Variants in UBP1 observed in about 807,000 individuals in gnomAD.
The protein encoded by UBP1 is upstream binding protein 1, also known as upstream-binding protein 1.
In UBP1, 22 loss-of-function variants were observed where a neutral mutation model predicts 76.1. The observed-to-expected ratio is 0.29, with a 90% CI of 0.21 to 0.41. The LOEUF is 0.41. Ranked by LOEUF, UBP1 falls within the 10% of genes least tolerant of loss-of-function variation. The pLI is 1.00. For missense variants in UBP1, 436 were observed against 668.1 expected (o/e 0.65, Z 3.83); for synonymous variants, 224 against 237.1 (o/e 0.94, Z 0.51).
At chr3:33,407,622 A>G (rs2044462499) in intron 8 of UBP1, among the ~76,000 whole-genome samples, 2 of 152,086 alleles carry the variant, frequency 1.3e-5, no homozygotes, top group African/African-American at 2.4e-5. Context: ...GTACAATTTC[A>G]GTTTCATTGC....
Position 33,388,649 on chromosome 3 carries a change from A to C in UBP1, c.*1682T>G, listed in dbSNP as rs1247595904. Reference sequence around the variant, plus strand: ...CTTTTAAAACAAACGAGATAAACTCACTTCTTTCCCCAGTGACTGGTACAG... The same window carrying C: ...CTTTTAAAACAAACGAGATAAACTCCCTTCTTTCCCCAGTGACTGGTACAG... On this transcript the variant is annotated 3_prime_UTR_variant, in exon 16 of 16. Coordinates refer to ENST00000283629, the MANE Select transcript of UBP1 (RefSeq NM_014517.5). The C allele has an allele frequency of 6.6e-6, 1 of 152,234 alleles. No homozygotes were observed. The highest frequency in any genetic ancestry group is 1.5e-5 in the Non-Finnish European group (1 of 68,044). 9.4% of individuals were successfully genotyped at this position (152,234 alleles called of 1,614,324 possible).
chr3:33,421,169 T>C (rs2044881533), intron 2 of UBP1, among the ~76,000 whole-genome samples: 1 of 152,254 alleles, frequency 6.6e-6, no homozygotes, highest in African/African-American at 2.4e-5. Context: ...GCCAGCTATG[T>C]GTACTCCACC....
At chr3:33,420,523 A>G (rs530863928) in intron 2 of UBP1, among the ~76,000 whole-genome samples, 348 of 139,370 alleles carry the variant, frequency 2.5e-3, no homozygotes, top group African/African-American at 8.7e-3. Flanking sequence ...AGAGTCTCAC[A>G]CTGCCATCAG....
intron 2 of UBP1, among the ~76,000 whole-genome samples, chr3:33,417,846 A>G (rs976859225): frequency 1.2e-4 from 18 of 152,338 alleles, no homozygotes; most frequent in African/African-American, 4.3e-4. Flanking sequence ...CTTACAGAAA[A>G]ATATACAAAG....
chr3:33,409,404 C>A (rs750693274), intron 6 of UBP1, 45 bp downstream of exon 6: 1 of 1,613,832 alleles, frequency 6.2e-7, no homozygotes, highest in Non-Finnish European at 8.5e-7. Context: ...GCTTTACAGG[C>A]AAAACTGAGC....
At position 33,400,257 on chromosome 3, in the gene UBP1, TG is replaced by T; in HGVS notation, c.1111del (p.Gln371ArgfsTer28). On this transcript the variant is annotated frameshift_variant, in exon 11 of 16. Transcript: ENST00000283629. LOFTEE classifies it high-confidence loss of function. ...GEQIQPSATI[Q>X]ETQQWLLKNR... ...TTTGAGCAGCCATTGCTGTGTTTCC[TG>T]GATCGTAGCTGAAGGCTGAATTTGC... is the stretch of plus-strand genomic sequence containing the variant. 6.2e-7 allele frequency: 1 copy of T among 1,601,176 alleles called. No homozygotes were observed. Among genetic ancestry groups the T allele is most frequent in the Admixed American group, 1.8e-5 (1 of 56,276 alleles).
At chr3:33,440,923 T>G (rs1331282754), upstream of UBP1, 2 of 152,312 alleles carry the variant, frequency 1.3e-5, no homozygotes, top group East Asian at 3.9e-4. Flanking sequence ...TTGCACCCCA[T>G]CTGGTGACAG....
chr3:33,409,064 C>G (rs1251552919), intron 7 of UBP1, among the ~76,000 whole-genome samples, 172 bp downstream of exon 7: 1 of 152,156 alleles, frequency 6.6e-6, no homozygotes, highest in Non-Finnish European at 1.5e-5. Context: ...ACCCAGGAAA[C>G]AGTCTATCAA....
At position 33,408,806 on chromosome 3, in the gene UBP1, AC is replaced by A; in HGVS notation, c.820-10del. Reference sequence around the variant, plus strand: ...ATAGGCTCAAGCCTCATCTGGACAAACACCAAAGATTGGGATCAATGTCTTT... The same window carrying A: ...ATAGGCTCAAGCCTCATCTGGACAAAACCAAAGATTGGGATCAATGTCTTT... On this transcript the variant is annotated splice_polypyrimidine_tract_variant and intron_variant, in intron 7 of 15. Coordinates refer to ENST00000283629, the MANE Select transcript of UBP1 (RefSeq NM_014517.5). 1 of 1,609,568 alleles carries A rather than the reference AC, an allele frequency of 6.2e-7. No individual in the cohort carries two copies. Among genetic ancestry groups the A allele is most frequent in the East Asian group, 2.2e-5 (1 of 44,850 alleles).
rs535540231 is a variant in UBP1 at position 33,389,624 on chromosome 3, A to G, written c.*707T>C. The G allele has an allele frequency of 2.0e-5, 3 of 152,390 alleles. No individual in the cohort carries two copies. Among genetic ancestry groups the G allele is most frequent in the Middle Eastern group, 6.8e-3 (2 of 296 alleles). The allele number at this position is 152,390 out of a possible 1,614,324, so 9.4% of individuals were successfully genotyped here. On this transcript the variant is annotated 3_prime_UTR_variant, in exon 16 of 16. Transcript: ENST00000283629. Reference sequence around the variant, plus strand: ...GAAGCAGAAGCAAAAAAGTTTTTCAATAAATCTGTGACAAAGCCAAAACAC... The same window carrying G: ...GAAGCAGAAGCAAAAAAGTTTTTCAGTAAATCTGTGACAAAGCCAAAACAC...
intron 8 of UBP1, among the ~76,000 whole-genome samples, chr3:33,408,295 T>C (rs1339595250): frequency 6.6e-6 from 1 of 152,124 alleles, no homozygotes; most frequent in East Asian, 1.9e-4. Context: ...AGCAAGACCC[T>C]TTTCAGTTAC....
At chr3:33,401,371 T>G (rs974659738) in intron 9 of UBP1, among the ~76,000 whole-genome samples, 1 of 152,096 alleles carries the variant, frequency 6.6e-6, no homozygotes, top group South Asian at 2.1e-4. Context: ...AAACATCAAA[T>G]TAGATAAATA....
chr3:33,412,937 A>C (rs2044629505), intron 3 of UBP1, 110 bp from the exon 4 acceptor site: 1 of 679,706 alleles, frequency 1.5e-6, no homozygotes, highest in Non-Finnish European at 2.6e-6. Flanking sequence ...ATACAACTAG[A>C]TTCTGTTTTA....
At position 33,426,060 on chromosome 3, in the gene UBP1, A is replaced by G. The variant is rs150146467; in HGVS notation, c.114-319T>C. On this transcript the variant is annotated intron_variant, in intron 1 of 15. Transcript: ENST00000283629. ...ATATAGCACTTTAAAAACTTCTTTT[A>G]AAACTTTAAGGTCCAGATTCTTTCT... is the stretch of plus-strand genomic sequence containing the variant. Among the ~76,000 whole-genome samples the G allele has an allele frequency of 3.2e-4, 43 of 135,832 alleles. No individual in the cohort carries two copies. In the East Asian group the frequency reaches 9.2e-3, roughly 29 times the overall value. The allele number at this position is 135,832 out of a possible 152,430, so 89.1% of individuals were successfully genotyped here.
chr3:33,434,367 C>T (rs1362468902), intron 1 of UBP1, among the ~76,000 whole-genome samples: 7 of 142,196 alleles, frequency 4.9e-5, no homozygotes, highest in African/African-American at 2.6e-5. Context: ...GGAGCAATCT[C>T]GGCTCACTGT....
At chr3:33,435,167 A>C (rs1214391782) in intron 1 of UBP1, among the ~76,000 whole-genome samples, 1 of 152,218 alleles carries the variant, frequency 6.6e-6, no homozygotes, top group African/African-American at 2.4e-5. Flanking sequence ...TAAATGAGTT[A>C]ATTTATTAAA....
intron 3 of UBP1, among the ~76,000 whole-genome samples, chr3:33,413,950 C>T (rs2044663666): frequency 6.6e-6 from 1 of 152,176 alleles, no homozygotes; most frequent in Non-Finnish European, 1.5e-5. Flanking sequence ...AAAAGTACAG[C>T]ACAGAAAATA....
intron 13 of UBP1, among the ~76,000 whole-genome samples, chr3:33,394,348 G>A (rs2043884262): frequency 6.6e-6 from 1 of 151,924 alleles, no homozygotes. Flanking sequence ...GCCCAGTTAA[G>A]CATTATAGTT....
At chr3:33,431,226 GAAGTT>G (rs1263037361) in intron 1 of UBP1, among the ~76,000 whole-genome samples, 1 of 152,096 alleles carries the variant, frequency 6.6e-6, no homozygotes, top group East Asian at 1.9e-4. Flanking sequence ...GGAAAATGAA[GAAGTT>G]AAGAAGGGAC....
Sources: gnomAD v4.1 joint callset for allele counts (sites outside exome capture counted in the v4.1 genomes callset) on GRCh38, gnomAD v4.1.1 for gene constraint, MANE v1.5 for transcripts, NCBI Gene and HGNC (gene_info 2026-07-23, HGNC 2026-07-21) for gene names.